SORBS2: variants seen among roughly 807,000 people sequenced by gnomAD.
SORBS2 encodes the protein sorbin and SH3 domain-containing protein 2.
Under a neutral mutation model 97.7 loss-of-function variants are expected in SORBS2, and 46 were observed. The ratio of observed to expected loss-of-function variants is 0.47; its 90% confidence interval spans 0.37 to 0.60. The LOEUF (loss-of-function observed/expected upper bound fraction) is 0.60. Ranked by LOEUF, SORBS2 falls within the 20% of genes least tolerant of loss-of-function variation. The probability of loss-of-function intolerance (pLI) is 0.00; values close to 1 mark genes in which losing one functional copy is unlikely to be tolerated. For synonymous variants in SORBS2, 476 were observed against 473.4 expected, an observed-to-expected ratio of 1.01 and a Z score of -0.07; for missense variants, 1,316 against 1,282.3, an observed-to-expected ratio of 1.03 and a Z score of -0.40.
upstream of SORBS2, among the ~76,000 whole-genome samples, chr4:185,661,420 C>T (rs1225883997): frequency 6.6e-6 from 1 of 152,172 alleles, no homozygotes; most frequent in African/African-American, 2.4e-5. Context: ...AAATTATCTG[C>T]TTACAATTTT....
chr4:185,626,758 G>T, intron 6 of SORBS2, 74 bp downstream of exon 18: 1 of 1,400,182 alleles, frequency 7.1e-7, no homozygotes, highest in Non-Finnish European at 1.0e-6. Flanking sequence ...ACTATCACTG[G>T]GCCAGCTTTC....
At chr4:185,945,589 T>C (rs943036921) in intron 1 of SORBS2, among the ~76,000 whole-genome samples, 2 of 152,248 alleles carry the variant, frequency 1.3e-5, no homozygotes, top group African/African-American at 4.8e-5. Context: ...TATATTACTA[T>C]AGGAAATATA....
intron 1 of SORBS2, among the ~76,000 whole-genome samples, chr4:185,936,161 C>T (rs557255402): frequency 1.1e-4 from 16 of 152,280 alleles, no homozygotes; most frequent in Admixed American, 3.3e-4. Context: ...ACCTGGCCAA[C>T]GGTAAGTTTT....
chr4:185,821,471 T>G (rs558321108), intron 1 of SORBS2, among the ~76,000 whole-genome samples: 1 of 152,344 alleles, frequency 6.6e-6, no homozygotes, highest in African/African-American at 2.4e-5. Context: ...TCTCCTAGGC[T>G]GCAGTGCAGT....
Position 185,751,127 on chromosome 4 carries a change from G to C in SORBS2, c.-198+24100C>G, listed in dbSNP as rs368184515. On this transcript the variant is annotated intron_variant, in intron 2 of 20. Coordinates refer to the SORBS2 transcript ENST00000284776. Reference sequence around the variant, plus strand: ...CATAGAGGAATTGTTATATAACATGGGTTCTTCCATTAAATGGTAAAGGAA... The same window carrying C: ...CATAGAGGAATTGTTATATAACATGCGTTCTTCCATTAAATGGTAAAGGAA... Among the ~76,000 whole-genome samples the C allele has an allele frequency of 5.4e-5, 7 of 130,294 alleles. No homozygotes were observed. In the East Asian group the frequency reaches 1.3e-3, roughly 24 times the overall value. The allele number at this position is 130,294 out of a possible 152,430, so 85.5% of individuals were successfully genotyped here.
chr4:185,921,337 G>A (rs757118836), intron 1 of SORBS2, among the ~76,000 whole-genome samples: 1 of 152,140 alleles, frequency 6.6e-6, no homozygotes, highest in Non-Finnish European at 1.5e-5. Flanking sequence ...TTTTTATAAC[G>A]TGACTTCAAA....
chr4:185,771,103 C>T (rs1424974371), intron 2 of SORBS2: 1 of 150,756 alleles, frequency 6.6e-6, no homozygotes, highest in Non-Finnish European at 1.5e-5. Context: ...ACTTCAGCCT[C>T]CCAAGTAGCT....
chr4:185,649,805 A>C (rs371810009), intron 2 of SORBS2, 149 bp from the exon 12 acceptor site: 33 of 432,998 alleles, frequency 7.6e-5, no homozygotes, highest in African/African-American at 6.5e-4. Context: ...ATTAGAAGGT[A>C]GTTTCTTAAT....
At chr4:185,745,805 A>C (rs567790121) in intron 2 of SORBS2, among the ~76,000 whole-genome samples, 65 of 152,138 alleles carry the variant, frequency 4.3e-4, no homozygotes, top group African/African-American at 1.5e-3. Flanking sequence ...CTACGTGGGG[A>C]GGAAAGCCTG....
At chr4:185,762,589 G>A (rs2098903475) in intron 2 of SORBS2, among the ~76,000 whole-genome samples, 1 of 152,118 alleles carries the variant, frequency 6.6e-6, no homozygotes, top group African/African-American at 2.4e-5. Context: ...AAGGCAAAGG[G>A]GAACAGATTT....
intron 1 of SORBS2, among the ~76,000 whole-genome samples, chr4:185,902,736 C>G (rs1459469979): frequency 6.6e-6 from 1 of 151,666 alleles, no homozygotes; most frequent in Non-Finnish European, 1.5e-5. Context: ...CATGTTCAGT[C>G]CTGATTGCTT....
chr4:185,741,697 G>T (rs563947923), intron 2 of SORBS2, among the ~76,000 whole-genome samples: 9 of 151,918 alleles, frequency 5.9e-5, no homozygotes, highest in Non-Finnish European at 1.3e-4. Flanking sequence ...TCCTGCTCTT[G>T]TGGCCCTGCT....
intron 12 of SORBS2, among the ~76,000 whole-genome samples, chr4:185,597,349 G>A (rs547669394): frequency 6.6e-6 from 1 of 152,146 alleles, no homozygotes; most frequent in East Asian, 1.9e-4. Flanking sequence ...CTGTGTAAAG[G>A]TGTCCGTCAT....
chr4:185,691,223 GGGTTGT>G, intron 2 of SORBS2, among the ~76,000 whole-genome samples: 1 of 143,830 alleles, frequency 7.0e-6, no homozygotes. Flanking sequence ...TTTAGAGAGA[GGGTTGT>G]GCTCTGTTAC....
intron 2 of SORBS2, among the ~76,000 whole-genome samples, chr4:185,695,055 T>C (rs988141613): frequency 2.0e-5 from 3 of 151,986 alleles, no homozygotes; most frequent in Non-Finnish European, 4.4e-5. Context: ...TTTCTCGGAA[T>C]CAGAGCAGGC....
At position 185,626,791 on chromosome 4, in the gene SORBS2, G is replaced by A. The variant is rs532481045; in HGVS notation, c.634+41C>T. On this transcript the variant is annotated intron_variant, in intron 6 of 14. Transcript: ENST00000418609. The stretch of plus-strand genomic sequence containing the variant: ...TTCACACAGTGCTCTAGGCTAAAAC[G>A]TAAACTAGTAAATTGTTGTGTTTTC... The A allele has an allele frequency of 4.4e-5, 71 of 1,599,170 alleles. 1 individual carries two copies. Among genetic ancestry groups the A allele is most frequent in the African/African-American group, 1.6e-4 (12 of 74,712 alleles).
chr4:185,789,522 C>G (rs974148894), intron 1 of SORBS2, among the ~76,000 whole-genome samples: 1 of 150,190 alleles, frequency 6.7e-6, no homozygotes, highest in African/African-American at 2.4e-5. Flanking sequence ...AATTGCTTAT[C>G]AAATATGGAA....
At chr4:185,677,354 G>A (rs1256916808) in intron 4 of SORBS2, 1 of 1,552,268 alleles carries the variant, frequency 6.4e-7, no homozygotes, top group Non-Finnish European at 8.7e-7. Flanking sequence ...CTGGGGTGTT[G>A]ATGTTAGCGA....
chr4:185,727,979 A>G (rs2098573248), intron 2 of SORBS2, among the ~76,000 whole-genome samples: 1 of 152,202 alleles, frequency 6.6e-6, no homozygotes, highest in Admixed American at 6.5e-5. Context: ...AAAAACACTT[A>G]AAACTATACA....
Sources: allele counts gnomAD v4.1 joint callset (sites outside exome capture counted in the v4.1 genomes callset), GRCh38; gene constraint gnomAD v4.1.1; transcripts MANE v1.5; gene names NCBI Gene and HGNC (gene_info 2026-07-23, HGNC 2026-07-21).